GRID1: variants seen among roughly 807,000 people sequenced by gnomAD.
GRID1 encodes the protein glutamate receptor ionotropic, delta-1.
In GRID1, 28 loss-of-function variants were observed where a neutral mutation model predicts 98.0. The observed-to-expected ratio is 0.29, with a 90% CI of 0.21 to 0.39. GRID1 has a LOEUF of 0.39. GRID1 is among the 10% of genes least tolerant of loss of function. The pLI is 1.00. For synonymous variants in GRID1, 553 were observed against 538.5 expected (o/e 1.03, Z -0.37); for missense variants, 1,111 against 1,340.5 (o/e 0.83, Z 2.67).
At chr10:85,760,429 T>C (rs1213642379) in intron 8 of GRID1, among the ~76,000 whole-genome samples, 1 of 152,192 alleles carries the variant, frequency 6.6e-6, no homozygotes, top group Non-Finnish European at 1.5e-5. Context: ...GATAAGATAA[T>C]GTGTCTGTCA....
intron 12 of GRID1, among the ~76,000 whole-genome samples, chr10:85,682,213 A>G (rs753410268): frequency 6.6e-6 from 1 of 152,222 alleles, no homozygotes; most frequent in African/African-American, 2.4e-5. Context: ...GAGCTGTCAT[A>G]TAACAGTGAG....
At chr10:85,882,727 C>A (rs943144031) in intron 5 of GRID1, among the ~76,000 whole-genome samples, 2 of 152,162 alleles carry the variant, frequency 1.3e-5, no homozygotes, top group African/African-American at 2.4e-5. Context: ...ACATATGTAA[C>A]AAACGTGCAC....
chr10:86,160,235 C>T (rs1044143521), intron 3 of GRID1, among the ~76,000 whole-genome samples: 2 of 152,192 alleles, frequency 1.3e-5, no homozygotes, highest in Non-Finnish European at 2.9e-5. Context: ...CTAAGGCATC[C>T]TGCAAATGCT....
At chr10:86,035,975 G>A (rs750154528) in intron 4 of GRID1, among the ~76,000 whole-genome samples, 13 of 152,182 alleles carry the variant, frequency 8.5e-5, no homozygotes, top group African/African-American at 2.4e-4. Context: ...CCCACCTCAA[G>A]TGGACCTGGG....
chr10:85,797,229 CT>C (rs547357114), intron 8 of GRID1, among the ~76,000 whole-genome samples: 3 of 150,292 alleles, frequency 2.0e-5, no homozygotes, highest in Admixed American at 6.6e-5. Flanking sequence ...TTCAAATTTC[CT>C]TTTTTTTTAA....
At chr10:86,286,044 C>T (rs1564728911) in intron 2 of GRID1, among the ~76,000 whole-genome samples, 1 of 151,844 alleles carries the variant, frequency 6.6e-6, no homozygotes, top group Non-Finnish European at 1.5e-5. Flanking sequence ...AATTAGATGT[C>T]GGGATAGGGA....
chr10:85,699,813 C>A (rs1354262471), intron 12 of GRID1, among the ~76,000 whole-genome samples: 1 of 152,174 alleles, frequency 6.6e-6, no homozygotes, highest in Non-Finnish European at 1.5e-5. Context: ...GATTGCCTAT[C>A]TTTCCTTAGT....
At chr10:85,818,205 C>T (rs959227783) in intron 8 of GRID1, among the ~76,000 whole-genome samples, 52 of 152,268 alleles carry the variant, frequency 3.4e-4, no homozygotes, top group African/African-American at 1.3e-3. Flanking sequence ...AAAGAGAAGA[C>T]TAGAATGAAT....
At chr10:85,657,917 C>A (rs946368805) in intron 12 of GRID1, among the ~76,000 whole-genome samples, 1 of 152,222 alleles carries the variant, frequency 6.6e-6, no homozygotes, top group Non-Finnish European at 1.5e-5. Context: ...TCCTGCCAGC[C>A]AGCAGGACCT....
At chr10:85,957,459 A>G (rs1842209683) in intron 4 of GRID1, among the ~76,000 whole-genome samples, 1 of 152,132 alleles carries the variant, frequency 6.6e-6, no homozygotes, top group Non-Finnish European at 1.5e-5. Context: ...CCCCGGTTGT[A>G]TTAGGCAGTT....
Position 85,919,400 on chromosome 10 carries a change from T to C in GRID1, c.727-3161A>G, listed in dbSNP as rs181886162. ...CTTTTCCCCACATGGAGATAAATAGTGCTTTTCTGCAGCCTTTTCCAGAGG... is the reference window on the plus strand; with the variant it reads ...CTTTTCCCCACATGGAGATAAATAGCGCTTTTCTGCAGCCTTTTCCAGAGG... On this transcript the variant is annotated intron_variant, in intron 4 of 15. Transcript: ENST00000327946. Among the ~76,000 whole-genome samples, 43 of 152,326 alleles carry C rather than the reference T, an allele frequency of 2.8e-4. No homozygotes were observed. In the South Asian group the frequency reaches 2.9e-3, roughly 10 times the overall value.
chr10:86,040,297 C>T (rs776187345), intron 4 of GRID1, among the ~76,000 whole-genome samples: 2 of 152,102 alleles, frequency 1.3e-5, no homozygotes, highest in African/African-American at 2.4e-5. Context: ...TGCACTCCCA[C>T]GTTTATTGCA....
chr10:85,701,049 C>T (rs1289020902), intron 12 of GRID1, among the ~76,000 whole-genome samples: 1 of 152,080 alleles, frequency 6.6e-6, no homozygotes, highest in Non-Finnish European at 1.5e-5. Flanking sequence ...AATGAACAGG[C>T]CATTTTTTAA....
intron 13 of GRID1, among the ~76,000 whole-genome samples, chr10:85,634,291 T>TCTCTCTCA (rs1162030685): frequency 5.6e-4 from 58 of 102,968 alleles, no homozygotes; most frequent in African/African-American, 1.6e-3. Flanking sequence ...TCTCTCTCTC[T>TCTCTCTCA]CACACACACA....
intron 12 of GRID1, among the ~76,000 whole-genome samples, chr10:85,672,038 A>G (rs1427946080): frequency 6.6e-6 from 1 of 152,240 alleles, no homozygotes; most frequent in African/African-American, 2.4e-5. Context: ...TCTCCATAAC[A>G]TAACAGTGCA....
chr10:86,012,428 A>G (rs1401525755), intron 4 of GRID1, among the ~76,000 whole-genome samples: 2 of 152,202 alleles, frequency 1.3e-5, no homozygotes, highest in African/African-American at 2.4e-5. Flanking sequence ...ACCCATGGAG[A>G]GAGCTGGCAG....
At chr10:85,978,292 C>T (rs993417289) in intron 4 of GRID1, among the ~76,000 whole-genome samples, 1 of 152,192 alleles carries the variant, frequency 6.6e-6, no homozygotes, top group South Asian at 2.1e-4. Flanking sequence ...GGACCTAAAG[C>T]AGCCAGATGA....
intron 4 of GRID1, among the ~76,000 whole-genome samples, chr10:86,124,330 C>T (rs879730563): frequency 2.6e-5 from 4 of 152,192 alleles, no homozygotes; most frequent in African/African-American, 4.8e-5. Context: ...CACCACTCTC[C>T]CCCTGGCTCA....
At chr10:86,247,814 C>G (rs1018092075) in intron 2 of GRID1, among the ~76,000 whole-genome samples, 2 of 152,106 alleles carry the variant, frequency 1.3e-5, no homozygotes, top group Admixed American at 6.5e-5. Flanking sequence ...AGGGGATGGC[C>G]CAGCACTCCT....
Sources: gnomAD v4.1 joint callset for allele counts (sites outside exome capture counted in the v4.1 genomes callset) on GRCh38, gnomAD v4.1.1 for gene constraint, MANE v1.5 for transcripts, NCBI Gene and HGNC (gene_info 2026-07-23, HGNC 2026-07-21) for gene names.